Variants in NUCB2 observed in about 807,000 individuals in gnomAD.
NUCB2 encodes the protein nucleobindin-2.
NUCB2 carries 48 observed loss-of-function variants against 57.9 expected under a neutral mutation model. The observed-to-expected ratio is 0.83, with a 90% CI of 0.66 to 1.05. The LOEUF (loss-of-function observed/expected upper bound fraction) is 1.05. Among genes scored for constraint, NUCB2 ranks in the 50% least tolerant of loss-of-function variants. NUCB2 has a pLI of 0.00. For missense variants in NUCB2, 442 were observed against 476.2 expected (o/e 0.93, Z 0.67); for synonymous variants, 139 against 152.1 (o/e 0.91, Z 0.64).
chr11:17,294,754 A>T (rs1315137916), intron 2 of NUCB2, among the ~76,000 whole-genome samples: 1 of 151,992 alleles, frequency 6.6e-6, no homozygotes, highest in East Asian at 1.9e-4. Flanking sequence ...CTTATACTAT[A>T]AAAACAATAT....
Position 17,296,095 on chromosome 11 carries a change from A to G in NUCB2, c.145-9A>G. 1 of 1,554,962 alleles carries G rather than the reference A, an allele frequency of 6.4e-7. No homozygotes were observed. Among genetic ancestry groups the G allele is most frequent in the Non-Finnish European group, 8.8e-7 (1 of 1,136,618 alleles). ...GCAGAAGCATTACTGTTGGTTTCTT[A>G]ATTTGAAGGATACTGGACTTTATTA... On this transcript the variant is annotated splice_polypyrimidine_tract_variant and intron_variant, in intron 3 of 13. Transcript: ENST00000529010.
chr11:17,279,429 G>C (rs1181018716), intron 1 of NUCB2, among the ~76,000 whole-genome samples: 2 of 152,154 alleles, frequency 1.3e-5, no homozygotes, highest in East Asian at 1.9e-4. Context: ...GGCTGAATTA[G>C]ATTACAGTAG....
chr11:17,349,926 T>A (rs955068834), exon 3 of NUCB2: 5 of 152,336 alleles, frequency 3.3e-5, no homozygotes, highest in Middle Eastern at 3.4e-3. Context: ...GAATACCGTG[T>A]CTCAATGCTG....
chr11:17,282,264 T>A (rs2354866), intron 1 of NUCB2, among the ~76,000 whole-genome samples: 18 of 100,802 alleles, frequency 1.8e-4, no homozygotes, highest in Admixed American at 3.8e-4. Flanking sequence ...ATATATTTTT[T>A]TTTTTTTTTC....
intron 2 of NUCB2, among the ~76,000 whole-genome samples, chr11:17,284,596 CAA>C (rs1236962999): frequency 6.6e-6 from 1 of 152,172 alleles, no homozygotes; most frequent in Non-Finnish European, 1.5e-5. Context: ...TAGATAGGCA[CAA>C]AGTACAGTAG....
intron 1 of NUCB2, chr11:17,278,547 G>A (rs1284935082): frequency 6.6e-6 from 1 of 151,982 alleles, no homozygotes; most frequent in Non-Finnish European, 1.5e-5. Context: ...GGTACATATT[G>A]TTCATATCAC....
chr11:17,329,126 G>A (rs1297364187), intron 11 of NUCB2, among the ~76,000 whole-genome samples: 1 of 152,078 alleles, frequency 6.6e-6, no homozygotes, highest in African/African-American at 2.4e-5. Context: ...AACTCTGCCT[G>A]GTGTCCTATC....
intron 2 of NUCB2, among the ~76,000 whole-genome samples, chr11:17,289,299 A>G (rs1944534093): frequency 6.6e-6 from 1 of 151,994 alleles, no homozygotes; most frequent in Non-Finnish European, 1.5e-5. Context: ...CAAGCACCCT[A>G]TATTAATTTT....
intron 1 of NUCB2, among the ~76,000 whole-genome samples, chr11:17,280,869 A>C (rs1243019105): frequency 6.6e-6 from 1 of 152,070 alleles, no homozygotes; most frequent in Non-Finnish European, 1.5e-5. Context: ...GTGAAATCCC[A>C]TCTCTACCAA....
At chr11:17,342,453 G>A (rs1359042273) in intron 2 of NUCB2, among the ~76,000 whole-genome samples, 1 of 151,736 alleles carries the variant, frequency 6.6e-6, no homozygotes. Context: ...GGCATTTAGT[G>A]CTATAAATTT....
Position 17,311,247 on chromosome 11 carries a change from A to G in NUCB2, c.724A>G (p.Asn242Asp), listed in dbSNP as rs1948444592. The change falls in exon 8 of 14, where the codon AAT becomes GAT. Residue 242 changes from asparagine (N) to aspartate (D), a missense_variant. Coordinates refer to ENST00000529010, the MANE Select transcript of NUCB2 (RefSeq NM_005013.4). ...VWEETDGLDP[N>D]DFDPKTFFKL... ...GGAAGAGACTGATGGATTGGATCCT[A>G]ATGACTTTGACCCCAAGACATTTTT... 1 of 1,611,194 alleles carries G rather than the reference A, an allele frequency of 6.2e-7. No homozygotes were observed. Among genetic ancestry groups the G allele is most frequent in the Non-Finnish European group, 8.5e-7 (1 of 1,178,858 alleles).
intron 2 of NUCB2, among the ~76,000 whole-genome samples, chr11:17,339,434 T>C (rs1224922017): frequency 6.6e-6 from 1 of 152,020 alleles, no homozygotes; most frequent in Admixed American, 6.5e-5. Flanking sequence ...GTGTGCCATG[T>C]TGGTGTGCTG....
chr11:17,335,604 C>A (rs371690092), downstream of NUCB2, among the ~76,000 whole-genome samples: 1 of 152,026 alleles, frequency 6.6e-6, no homozygotes, highest in African/African-American at 2.4e-5. Flanking sequence ...CAGGTTCAAG[C>A]GATTCTCCGG....
chr11:17,348,471 T>C (rs1009156117), intron 2 of NUCB2, among the ~76,000 whole-genome samples: 4 of 151,678 alleles, frequency 2.6e-5, no homozygotes, highest in Non-Finnish European at 5.9e-5. Context: ...CTCAAATAGC[T>C]GGGAATATAG....
rs187178803 is a variant in NUCB2 at position 17,305,663 on chromosome 11, C to A, written c.379+3793C>A. On this transcript the variant is annotated intron_variant, in intron 5 of 13. Coordinates refer to ENST00000529010, the MANE Select transcript of NUCB2 (RefSeq NM_005013.4). ...TTTTAGACAGGTCTCACTCTGTTGC[C>A]CAGGTTGGAGTACAGTGATGCAATC... Among the ~76,000 whole-genome samples the A allele has an allele frequency of 2.3e-3, 350 of 151,698 alleles. 2 individuals are homozygous for A. The highest frequency in any genetic ancestry group is 8.0e-3 in the African/African-American group (332 of 41,354).
intron 2 of NUCB2, among the ~76,000 whole-genome samples, chr11:17,347,456 CTTTG>C (rs1356332906): frequency 6.6e-6 from 1 of 152,164 alleles, no homozygotes; most frequent in African/African-American, 2.4e-5. Flanking sequence ...CTGTCCAATT[CTTTG>C]TTTGACTGAA....
chr11:17,290,919 G>T (rs1024251157), intron 2 of NUCB2, among the ~76,000 whole-genome samples: 2 of 151,932 alleles, frequency 1.3e-5, no homozygotes, highest in Middle Eastern at 3.2e-3. Context: ...ATTGAAATAT[G>T]ATTTACATAT....
intron 1 of NUCB2, 91 bp downstream of exon 1, chr11:17,276,919 G>C (rs214086): frequency 0.34 from 51,857 of 152,200 alleles, 10,326 homozygotes; most frequent in Non-Finnish European, 0.43. Flanking sequence ...GTCTTCGCCT[G>C]CCTTGCCAGA....
intron 5 of NUCB2, among the ~76,000 whole-genome samples, chr11:17,307,230 TGTA>T (rs1395418830): frequency 1.4e-4 from 21 of 151,174 alleles, no homozygotes; most frequent in Non-Finnish European, 2.2e-4. Flanking sequence ...ATGTAGAAAA[TGTA>T]GAGCAAAAAT....
Sources: allele counts gnomAD v4.1 joint callset (sites outside exome capture counted in the v4.1 genomes callset), GRCh38; gene constraint gnomAD v4.1.1; transcripts MANE v1.5; gene names NCBI Gene and HGNC (gene_info 2026-07-23, HGNC 2026-07-21).